BMP5: variants seen among roughly 807,000 people sequenced by gnomAD.
The protein encoded by BMP5 is bone morphogenetic protein 5.
BMP5 carries 23 observed loss-of-function variants against 46.6 expected under a neutral mutation model. The observed-to-expected ratio is 0.49, with a 90% CI of 0.35 to 0.70. The LOEUF is 0.70. BMP5 is among the 30% of genes least tolerant of loss of function. The probability of loss-of-function intolerance (pLI) is 0.00; values close to 1 mark genes in which losing one functional copy is unlikely to be tolerated. For synonymous variants in BMP5, 204 were observed against 191.9 expected, an observed-to-expected ratio of 1.06 and a Z score of -0.52; for missense variants, 545 against 565.6, an observed-to-expected ratio of 0.96 and a Z score of 0.37.
chr6:55,772,734 A>T (rs138540799), intron 4 of BMP5: 15,661 of 984,624 alleles, frequency 0.016, 152 homozygotes, highest in Middle Eastern at 0.025. Context: ...TTGGAAAATT[A>T]TTTTAAAACA....
In BMP5 at chr6:55,807,692, G is replaced by GT. The variant is rs199536880; in HGVS notation, c.683+11962dup. On this transcript the variant is annotated intron_variant, in intron 2 of 6. Transcript: ENST00000370830. ...CCGGCTGTTAATCGATCTGGTCCTG[G>GT]TTTTTTTTCGGTTGGTAGGCTATTT... Among the ~76,000 whole-genome samples, 1,032 of 151,698 alleles carry GT rather than the reference G, an allele frequency of 6.8e-3. 13 individuals carry two copies. The highest frequency in any genetic ancestry group is 0.024 in the African/African-American group (972 of 41,344).
chr6:55,767,245 G>A (rs1188004301), intron 4 of BMP5, among the ~76,000 whole-genome samples: 1 of 151,972 alleles, frequency 6.6e-6, no homozygotes, highest in Non-Finnish European at 1.5e-5. Context: ...GTGACCACAG[G>A]TATGAGTACT....
chr6:55,803,163 G>A (rs981544147), intron 2 of BMP5, among the ~76,000 whole-genome samples: 2 of 130,096 alleles, frequency 1.5e-5, no homozygotes, highest in African/African-American at 5.6e-5. Context: ...GGTGGGGGGG[G>A]CAGGCGCCTG....
chr6:55,869,245 G>A (rs1182603068), intron 1 of BMP5, among the ~76,000 whole-genome samples: 1 of 152,194 alleles, frequency 6.6e-6, no homozygotes, highest in Non-Finnish European at 1.5e-5. Context: ...TCGAGCTGAT[G>A]TGGTTGGGGA....
At chr6:55,801,954 A>T (rs925907084) in intron 2 of BMP5, among the ~76,000 whole-genome samples, 1 of 152,236 alleles carries the variant, frequency 6.6e-6, no homozygotes, top group Non-Finnish European at 1.5e-5. Context: ...CAGTTATGCC[A>T]CAAGTTGGGT....
chr6:55,805,296 C>G (rs892515847), intron 2 of BMP5, among the ~76,000 whole-genome samples: 4 of 152,112 alleles, frequency 2.6e-5, no homozygotes, highest in Non-Finnish European at 4.4e-5. Flanking sequence ...AGGTTTGTTA[C>G]ATAGGTATAT....
chr6:55,874,189 C>T (rs1378473440), intron 1 of BMP5, among the ~76,000 whole-genome samples, 187 bp downstream of exon 1: 1 of 151,806 alleles, frequency 6.6e-6, no homozygotes, highest in Non-Finnish European at 1.5e-5. Context: ...TTTAACTATT[C>T]ATATTAAATA....
chr6:55,798,168 T>C (rs566799872), intron 2 of BMP5, among the ~76,000 whole-genome samples: 6 of 152,240 alleles, frequency 3.9e-5, no homozygotes, highest in Admixed American at 2.6e-4. Context: ...ACACCAGTCG[T>C]ATTGGGTTAG....
At chr6:55,866,623 G>A (rs1388372746) in intron 1 of BMP5, among the ~76,000 whole-genome samples, 9 of 151,976 alleles carry the variant, frequency 5.9e-5, no homozygotes, top group African/African-American at 1.4e-4. Flanking sequence ...TATTCTTCTC[G>A]TTCCCATACT....
intron 1 of BMP5, among the ~76,000 whole-genome samples, chr6:55,835,445 A>G (rs937394732): frequency 6.6e-6 from 1 of 152,220 alleles, no homozygotes; most frequent in Admixed American, 6.5e-5. Flanking sequence ...TTTAACATTT[A>G]GCATTACATA....
intron 1 of BMP5, among the ~76,000 whole-genome samples, chr6:55,831,412 G>A (rs959439831): frequency 5.3e-5 from 8 of 151,872 alleles, no homozygotes; most frequent in African/African-American, 1.7e-4. Context: ...GAACTTGGAG[G>A]AACCTACTAA....
rs543022910 is a variant in BMP5 at position 55,867,209 on chromosome 6, T to TC, written c.490+7166dup. The stretch of plus-strand genomic sequence containing the variant: ...GGGTATTTATCCCTTGGTATCTGTA[T>TC]CCCCCCCGCTGAGTATCTAAGGATT... On this transcript the variant is annotated intron_variant, in intron 1 of 6. Transcript: ENST00000370830. Among the ~76,000 whole-genome samples, 384 of 152,022 alleles carry TC rather than the reference T, an allele frequency of 2.5e-3. 2 individuals are homozygous for TC. The highest frequency in any genetic ancestry group is 8.5e-3 in the African/African-American group (351 of 41,452).
At chr6:55,826,038 T>C (rs1776523820) in intron 1 of BMP5, among the ~76,000 whole-genome samples, 2 of 151,920 alleles carry the variant, frequency 1.3e-5, no homozygotes, top group Admixed American at 1.3e-4. Context: ...TGCATCACTT[T>C]CCAAGATATC....
At chr6:55,797,130 C>T (rs1395371072) in intron 2 of BMP5, among the ~76,000 whole-genome samples, 1 of 152,120 alleles carries the variant, frequency 6.6e-6, no homozygotes, top group African/African-American at 2.4e-5. Flanking sequence ...GGTAATAATT[C>T]TGTAATTTTT....
Position 55,823,400 on chromosome 6 carries a change from T to A in BMP5, c.491-3553A>T, listed in dbSNP as rs777142544. ...ATTGCATGAATGGGTCAAAATCTAG[T>A]CATCTCTTTCCACTCAGCAACTCCT... On this transcript the variant is annotated intron_variant, in intron 1 of 6. Transcript: ENST00000370830. Among the ~76,000 whole-genome samples the A allele has an allele frequency of 2.5e-4, 38 of 152,126 alleles. 1 individual carries two copies. The highest frequency in any genetic ancestry group is 4.9e-4 in the Non-Finnish European group (33 of 67,928).
intron 4 of BMP5, among the ~76,000 whole-genome samples, chr6:55,764,322 C>T (rs1774861542): frequency 6.6e-6 from 1 of 152,012 alleles, no homozygotes; most frequent in Non-Finnish European, 1.5e-5. Flanking sequence ...ACCTGTAATC[C>T]CAGCACTTTG....
intron 1 of BMP5, among the ~76,000 whole-genome samples, chr6:55,868,111 TA>T (rs1464227100): frequency 6.6e-6 from 1 of 152,240 alleles, no homozygotes; most frequent in African/African-American, 2.4e-5. Flanking sequence ...ATTATAGCAT[TA>T]AAATAGCTGA....
chr6:55,810,591 C>A (rs553486520), intron 2 of BMP5, among the ~76,000 whole-genome samples: 1 of 152,280 alleles, frequency 6.6e-6, no homozygotes, highest in South Asian at 2.1e-4. Context: ...AGTGAATGAG[C>A]AATGTACCCA....
intron 1 of BMP5, among the ~76,000 whole-genome samples, chr6:55,846,449 T>C (rs185149923): frequency 8.9e-4 from 135 of 152,118 alleles, no homozygotes; most frequent in African/African-American, 3.0e-3. Context: ...GATGGCAACC[T>C]GAAGTGCTCG....
Sources: allele counts gnomAD v4.1 joint callset (sites outside exome capture counted in the v4.1 genomes callset), GRCh38; gene constraint gnomAD v4.1.1; transcripts MANE v1.5; gene names NCBI Gene and HGNC (gene_info 2026-07-23, HGNC 2026-07-21).